Variants in SHTN1 observed in about 807,000 individuals in gnomAD.
The protein encoded by SHTN1 is shootin-1.
In SHTN1, 42 loss-of-function variants were observed where a neutral mutation model predicts 83.1. The ratio of observed to expected loss-of-function variants is 0.51; its 90% confidence interval spans 0.39 to 0.65. The LOEUF (loss-of-function observed/expected upper bound fraction) is 0.65, where lower values mean the gene tolerates loss of function less well. Ranked by LOEUF, SHTN1 falls within the 30% of genes least tolerant of loss-of-function variation. The pLI, the probability that SHTN1 is intolerant of heterozygous loss-of-function variation, is 0.00. For synonymous variants in SHTN1, 224 were observed against 247.7 expected, an observed-to-expected ratio of 0.90 and a Z score of 0.90; for missense variants, 622 against 737.8, an observed-to-expected ratio of 0.84 and a Z score of 1.82.
At chr10:117,006,240 G>GTT (rs11434853), upstream of SHTN1, among the ~76,000 whole-genome samples, 5,498 of 147,076 alleles carry the variant, frequency 0.037, 125 homozygotes, top group East Asian at 0.085. Context: ...GTTTTTTTTT[G>GTT]TTTTTTTTTT....
intron 2 of SHTN1, among the ~76,000 whole-genome samples, chr10:117,040,063 C>T (rs897967485): frequency 1.1e-4 from 17 of 152,048 alleles, no homozygotes; most frequent in Non-Finnish European, 2.9e-5. Flanking sequence ...GAGAGCTGTA[C>T]AATATTCATG....
rs184243108 is a variant in SHTN1, at chr10:116,995,484, G to A, written c.58+9538C>T. Among the ~76,000 whole-genome samples the A allele has an allele frequency of 2.3e-4, 35 of 152,110 alleles. No individual in the cohort carries two copies. The East Asian group carries it at 5.4e-3, about 23-fold the overall frequency. The stretch of plus-strand genomic sequence containing the variant: ...TTAGGAAAACATTTTCTTCTTTTGC[G>A]CTATCTATGGCTTAAGACAATTTGG... On this transcript the variant is annotated intron_variant, in intron 1 of 16. Coordinates refer to ENST00000355371, the MANE Select transcript of SHTN1 (RefSeq NM_001127211.3).
At position 116,904,839 on chromosome 10, in the gene SHTN1, A is replaced by G. The variant is rs187512281; in HGVS notation, c.1480+1788T>C. Among the ~76,000 whole-genome samples the G allele has an allele frequency of 1.3e-3, 193 of 152,348 alleles. 1 individual carries two copies. Among genetic ancestry groups the G allele is most frequent in the African/African-American group, 4.3e-3 (180 of 41,584 alleles). On this transcript the variant is annotated intron_variant, in intron 15 of 16. Coordinates refer to ENST00000355371, the MANE Select transcript of SHTN1 (RefSeq NM_001127211.3). ...GTAACAATGTTTCTGGAGAAACGAA[A>G]AAGCCAGTGGCAAAACACAAAATGT...
intron 2 of SHTN1, among the ~76,000 whole-genome samples, chr10:117,029,028 G>A (rs1192265100): frequency 6.6e-6 from 1 of 152,200 alleles, no homozygotes; most frequent in Non-Finnish European, 1.5e-5. Flanking sequence ...GCCAGCCCAT[G>A]AGAGCAGCCA....
intron 1 of SHTN1, among the ~76,000 whole-genome samples, chr10:116,990,412 G>C (rs1851387393): frequency 6.8e-6 from 1 of 146,538 alleles, no homozygotes; most frequent in Non-Finnish European, 1.5e-5. Flanking sequence ...CTCCTTGCTT[G>C]TTCTCCCAGG....
chr10:116,985,501 G>C (rs1183396177), intron 1 of SHTN1, among the ~76,000 whole-genome samples: 1 of 152,096 alleles, frequency 6.6e-6, no homozygotes, highest in African/African-American at 2.4e-5. Context: ...CTAGGATCCT[G>C]TCTGACATAT....
chr10:116,944,663 C>T (rs1849507882), intron 8 of SHTN1, among the ~76,000 whole-genome samples: 1 of 152,078 alleles, frequency 6.6e-6, no homozygotes, highest in East Asian at 1.9e-4. Flanking sequence ...GAGGCCAAGG[C>T]GAGCAGATCA....
chr10:116,993,756 A>G (rs1851527895), intron 1 of SHTN1, among the ~76,000 whole-genome samples: 1 of 152,174 alleles, frequency 6.6e-6, no homozygotes. Flanking sequence ...TACTTTTAAA[A>G]TAATATATTT....
At chr10:116,962,035 TG>T (rs1434314237) in intron 3 of SHTN1, among the ~76,000 whole-genome samples, 3 of 150,426 alleles carry the variant, frequency 2.0e-5, no homozygotes, top group Non-Finnish European at 4.4e-5. Flanking sequence ...GATTGTGTGT[TG>T]AAGCTCCCCC....
intron 11 of SHTN1, among the ~76,000 whole-genome samples, chr10:116,922,518 G>GA (rs1204463262): frequency 1.3e-5 from 2 of 152,054 alleles, no homozygotes; most frequent in African/African-American, 4.8e-5. Context: ...GAATGTTCAT[G>GA]AAGAATTTCC....
chr10:116,965,387 C>T (rs1296731751), intron 3 of SHTN1, among the ~76,000 whole-genome samples: 1 of 152,096 alleles, frequency 6.6e-6, no homozygotes, highest in Non-Finnish European at 1.5e-5. Flanking sequence ...CATGAGGGCA[C>T]ACACCTGTAA....
At chr10:117,016,669 A>G (rs966199944) in intron 2 of SHTN1, among the ~76,000 whole-genome samples, 10 of 150,218 alleles carry the variant, frequency 6.7e-5, no homozygotes, top group African/African-American at 2.5e-4. Flanking sequence ...AGCCTCCCAA[A>G]GTGTTGGGAT....
upstream of SHTN1, chr10:117,005,473 T>C: frequency 9.7e-7 from 1 of 1,029,646 alleles, no homozygotes; most frequent in Non-Finnish European, 1.2e-6. Context: ...GGGACGCGAG[T>C]TCAGAGAAAA....
At chr10:117,000,149 TTTGCAC>T (rs1321658142) in intron 1 of SHTN1, among the ~76,000 whole-genome samples, 4 of 152,120 alleles carry the variant, frequency 2.6e-5, no homozygotes, top group African/African-American at 4.8e-5. Context: ...TAAAACCAAG[TTTGCAC>T]TTGAAAACAA....
At chr10:117,049,418 TTG>T (rs1844119263) in intron 1 of SHTN1, among the ~76,000 whole-genome samples, 1 of 152,080 alleles carries the variant, frequency 6.6e-6, no homozygotes, top group Admixed American at 6.5e-5. Context: ...TAACCTAGCT[TTG>T]TGTTAATGGT....
chr10:116,946,872 C>T (rs1221934829), intron 7 of SHTN1, among the ~76,000 whole-genome samples: 1 of 151,714 alleles, frequency 6.6e-6, no homozygotes, highest in African/African-American at 2.4e-5. Flanking sequence ...CAGGTGCGTG[C>T]CACCATATCT....
At chr10:117,106,640 T>A (rs1853674984) in intron 1 of SHTN1, among the ~76,000 whole-genome samples, 1 of 152,138 alleles carries the variant, frequency 6.6e-6, no homozygotes, top group South Asian at 2.1e-4. Context: ...TCCTATAGGA[T>A]GCAGTTTAAG....
intron 1 of SHTN1, among the ~76,000 whole-genome samples, chr10:117,079,544 A>G (rs1589923091): frequency 3.1e-5 from 1 of 32,372 alleles, no homozygotes; most frequent in African/African-American, 1.3e-4. Flanking sequence ...TCCTTTGGGT[A>G]TATACCCAGT....
chr10:116,933,854 G>A (rs535431206), intron 9 of SHTN1, among the ~76,000 whole-genome samples: 7 of 152,120 alleles, frequency 4.6e-5, no homozygotes, highest in African/African-American at 9.6e-5. Context: ...TTTAATGATC[G>A]CCATTCTAAC....
Sources: gnomAD v4.1 joint callset for allele counts (sites outside exome capture counted in the v4.1 genomes callset) on GRCh38, gnomAD v4.1.1 for gene constraint, MANE v1.5 for transcripts, NCBI Gene and HGNC (gene_info 2026-07-23, HGNC 2026-07-21) for gene names.